Variants in RABGAP1L observed in about 807,000 individuals in gnomAD.
RABGAP1L encodes the protein RAB GTPase activating protein 1 like, also known as rab GTPase-activating protein 1-like.
Under a neutral mutation model 137.7 loss-of-function variants are expected in RABGAP1L, and 63 were observed. The ratio of observed to expected loss-of-function variants is 0.46; its 90% CI spans 0.37 to 0.56. The LOEUF (loss-of-function observed/expected upper bound fraction) is 0.56. Among genes scored for constraint, RABGAP1L ranks in the 20% least tolerant of loss-of-function variants. The pLI is 0.00. For missense variants in RABGAP1L, 1,095 were observed against 1,244.0 expected, an observed-to-expected ratio of 0.88 and a Z score of 1.80; for synonymous variants, 431 against 433.7, an observed-to-expected ratio of 0.99 and a Z score of 0.08.
chr1:174,748,846 G>A (rs1462253107), intron 17 of RABGAP1L, among the ~76,000 whole-genome samples: 1 of 151,786 alleles, frequency 6.6e-6, no homozygotes, highest in Non-Finnish European at 1.5e-5. Flanking sequence ...CTGCACTCCA[G>A]TCTGGGTGAC....
At chr1:174,278,387 G>C (rs904899465) in intron 9 of RABGAP1L, among the ~76,000 whole-genome samples, 1 of 152,114 alleles carries the variant, frequency 6.6e-6, no homozygotes, top group Non-Finnish European at 1.5e-5. Context: ...GCCTGGGTGA[G>C]ACTCTGTCTC....
Position 174,832,162 on chromosome 1 carries a change from A to C in RABGAP1L, c.2340+20202A>C, listed in dbSNP as rs1692173144. On this transcript the variant is annotated intron_variant, in intron 19 of 25. Coordinates refer to ENST00000681986, the MANE Select transcript of RABGAP1L (RefSeq NM_001366446.1). ...GCAAAAATTAGCCAGGTGTGGTGTC[A>C]GGCACCTGTAATCCCAGCTACTCAG... Among the ~76,000 whole-genome samples, 2 of 146,676 alleles carry C rather than the reference A, an allele frequency of 1.4e-5. 1 individual carries two copies. The highest frequency in any genetic ancestry group is 3.0e-5 in the Non-Finnish European group (2 of 66,098).
At chr1:174,749,099 C>T (rs1219176134) in intron 17 of RABGAP1L, among the ~76,000 whole-genome samples, 1 of 151,482 alleles carries the variant, frequency 6.6e-6, no homozygotes, top group Non-Finnish European at 1.5e-5. Flanking sequence ...TCGCCTGAAC[C>T]CAGGAAGTGG....
At chr1:174,491,524 G>A (rs1026852700) in intron 13 of RABGAP1L, among the ~76,000 whole-genome samples, 1 of 151,892 alleles carries the variant, frequency 6.6e-6, no homozygotes, top group African/African-American at 2.4e-5. Flanking sequence ...GCCACAAGGG[G>A]TCTCTTTTGC....
At chr1:174,369,792 C>T (rs1684950725) in intron 11 of RABGAP1L, among the ~76,000 whole-genome samples, 1 of 152,108 alleles carries the variant, frequency 6.6e-6, no homozygotes, top group Admixed American at 6.5e-5. Flanking sequence ...CTCTCTTTGC[C>T]TTCATTTTAA....
In RABGAP1L at chr1:174,637,588, A is replaced by G. The variant is rs1674166073; in HGVS notation, c.1824+100A>G. On this transcript the variant is annotated intron_variant, in intron 14 of 25. Coordinates refer to ENST00000681986, the MANE Select transcript of RABGAP1L (RefSeq NM_001366446.1). ...TACTCTGTCTTCATTTCTTATTTGC[A>G]CTATGCCATGTTTTCTGCTTTGCAC... 8 of 833,942 alleles carry G rather than the reference A, an allele frequency of 9.6e-6. No homozygotes were observed. The Admixed American group carries it at 1.7e-4, about 18-fold the overall frequency. 51.7% of individuals were successfully genotyped at this position (833,942 alleles called of 1,614,324 possible).
chr1:174,493,082 C>T (rs959488466), intron 13 of RABGAP1L, among the ~76,000 whole-genome samples: 2 of 150,028 alleles, frequency 1.3e-5, no homozygotes, highest in African/African-American at 4.9e-5. Flanking sequence ...ATATTTAGAC[C>T]AGGCACAGTG....
At chr1:174,234,758 T>G (rs1671004723) in intron 4 of RABGAP1L, among the ~76,000 whole-genome samples, 2 of 150,102 alleles carry the variant, frequency 1.3e-5, no homozygotes, top group Non-Finnish European at 3.0e-5. Flanking sequence ...GGGCTCTTTT[T>G]TGGTTCCATA....
chr1:174,364,900 C>T (rs891268639), intron 11 of RABGAP1L, among the ~76,000 whole-genome samples: 10 of 152,050 alleles, frequency 6.6e-5, no homozygotes, highest in African/African-American at 2.4e-4. Flanking sequence ...CTTTTCGGCC[C>T]AGGGTGTGTC....
At chr1:174,934,778 G>A (rs535003723) in intron 19 of RABGAP1L, among the ~76,000 whole-genome samples, 24 of 152,220 alleles carry the variant, frequency 1.6e-4, no homozygotes, top group African/African-American at 5.5e-4. Context: ...GCACCAGAGT[G>A]ATACCCTATC....
chr1:174,959,970 T>A (rs1272759770), intron 20 of RABGAP1L, among the ~76,000 whole-genome samples: 2 of 152,198 alleles, frequency 1.3e-5, no homozygotes. Flanking sequence ...GTCCTGGGAA[T>A]GAGCACTTTG....
chr1:174,489,651 G>A (rs567028482), intron 13 of RABGAP1L, among the ~76,000 whole-genome samples: 3 of 152,080 alleles, frequency 2.0e-5, no homozygotes, highest in East Asian at 1.9e-4. Context: ...ACTAGAAATA[G>A]CATTTGACCC....
intron 1 of RABGAP1L, among the ~76,000 whole-genome samples, chr1:174,214,521 A>T (rs182231012): frequency 6.6e-6 from 1 of 152,246 alleles, no homozygotes; most frequent in African/African-American, 2.4e-5. Flanking sequence ...AAGACCCAGA[A>T]TAGCCAAAAC....
At chr1:174,742,876 A>G (rs994034837) in intron 17 of RABGAP1L, among the ~76,000 whole-genome samples, 1 of 152,212 alleles carries the variant, frequency 6.6e-6, no homozygotes, top group Admixed American at 6.5e-5. Flanking sequence ...ATACCTCCCT[A>G]TCATTCCCTA....
At chr1:174,551,197 A>G (rs1666522224) in intron 13 of RABGAP1L, among the ~76,000 whole-genome samples, 1 of 150,468 alleles carries the variant, frequency 6.6e-6, no homozygotes. Context: ...CGACAGAGCA[A>G]GACTCCATCT....
intron 13 of RABGAP1L, among the ~76,000 whole-genome samples, chr1:174,485,937 G>A (rs1182278684): frequency 4.6e-5 from 7 of 152,086 alleles, no homozygotes; most frequent in Admixed American, 4.6e-4. Flanking sequence ...TTAAATGTTT[G>A]GTAGAAATCA....
intron 19 of RABGAP1L, among the ~76,000 whole-genome samples, chr1:174,943,187 G>A (rs759679750): frequency 6.6e-6 from 1 of 152,184 alleles, no homozygotes; most frequent in Non-Finnish European, 1.5e-5. Flanking sequence ...CTGGCTTGAT[G>A]TGTGTGTGAC....
chr1:174,423,736 T>C (rs1215939647), intron 13 of RABGAP1L, among the ~76,000 whole-genome samples: 1 of 152,166 alleles, frequency 6.6e-6, no homozygotes, highest in Non-Finnish European at 1.5e-5. Flanking sequence ...TTTTCCTCCC[T>C]TTCTTATAGG....
intron 14 of RABGAP1L, among the ~76,000 whole-genome samples, chr1:174,661,594 A>G (rs548077878): frequency 7.0e-4 from 106 of 152,292 alleles, no homozygotes; most frequent in African/African-American, 2.3e-3. Flanking sequence ...ATCAATAGCA[A>G]TTTCAGTTTT....
Sources: allele counts gnomAD v4.1 joint callset (sites outside exome capture counted in the v4.1 genomes callset), GRCh38; gene constraint gnomAD v4.1.1; transcripts MANE v1.5; gene names NCBI Gene and HGNC (gene_info 2026-07-23, HGNC 2026-07-21).